PBX4: variants seen among roughly 807,000 people sequenced by gnomAD.
PBX4 encodes the protein PBX homeobox 4, also known as pre-B-cell leukemia transcription factor 4.
In PBX4, 26 loss-of-function variants were observed where a neutral mutation model predicts 35.1. That is an observed-to-expected ratio of 0.74 (90% CI 0.54 to 1.03). PBX4 has a LOEUF of 1.03. PBX4 is among the 50% of genes least tolerant of loss of function. The probability of loss-of-function intolerance (pLI) is 0.00; values close to 1 mark genes in which losing one functional copy is unlikely to be tolerated. For synonymous variants in PBX4, 199 were observed against 204.2 expected (o/e 0.97, Z 0.22); for missense variants, 448 against 504.3 (o/e 0.89, Z 1.07).
At chr19:19,594,612 G>A (rs949878653) in intron 2 of PBX4, among the ~76,000 whole-genome samples, 1 of 152,154 alleles carries the variant, frequency 6.6e-6, no homozygotes, top group African/African-American at 2.4e-5. Flanking sequence ...ATTATGAAGA[G>A]GCGTGCCCAG....
chr19:19,568,757 T>C (rs1289867567), intron 5 of PBX4, among the ~76,000 whole-genome samples: 1 of 151,884 alleles, frequency 6.6e-6, no homozygotes, highest in Non-Finnish European at 1.5e-5. Flanking sequence ...ACTCCATCTG[T>C]ATCCCTCAGG....
chr19:19,575,775 G>T (rs777720284), intron 2 of PBX4, among the ~76,000 whole-genome samples: 8 of 152,154 alleles, frequency 5.3e-5, no homozygotes, highest in Non-Finnish European at 1.0e-4. Flanking sequence ...GCCTTGCACA[G>T]CCTCTGACAA....
chr19:19,613,378 G>A (rs1473360908), intron 1 of PBX4, among the ~76,000 whole-genome samples: 1 of 145,572 alleles, frequency 6.9e-6, no homozygotes, highest in Non-Finnish European at 1.5e-5. Context: ...TGAGGCAGGA[G>A]AATCTCTTGA....
intron 1 of PBX4, among the ~76,000 whole-genome samples, chr19:19,616,342 T>TA (rs1390273007): frequency 1.3e-5 from 2 of 152,164 alleles, no homozygotes; most frequent in Non-Finnish European, 2.9e-5. Flanking sequence ...ACTATTTTTT[T>TA]ATGGAGACAG....
intron 1 of PBX4, among the ~76,000 whole-genome samples, chr19:19,611,438 T>A (rs773720265): frequency 5.9e-5 from 9 of 151,864 alleles, no homozygotes; most frequent in Non-Finnish European, 1.0e-4. Flanking sequence ...CCCAGCACTT[T>A]GGGAGGCCGA....
intron 2 of PBX4, among the ~76,000 whole-genome samples, chr19:19,575,350 T>C (rs2061413368): frequency 6.6e-6 from 1 of 151,858 alleles, no homozygotes; most frequent in Admixed American, 6.6e-5. Flanking sequence ...GCCTACAATC[T>C]GGGCCTTACA....
At chr19:19,570,997 A>G in intron 2 of PBX4, 164 bp from the exon 3 acceptor site, 1 of 887,638 alleles carries the variant, frequency 1.1e-6, no homozygotes. Flanking sequence ...GACACTGAGC[A>G]CCCCGCTAAG....
rs780542097 is a variant in PBX4, at chr19:19,570,117, G to C, written c.624C>G (p.Leu208=). 1 of 1,602,372 alleles carries C rather than the reference G, an allele frequency of 6.2e-7. No homozygotes were observed. The highest frequency in any genetic ancestry group is 8.5e-7 in the Non-Finnish European group (1 of 1,173,388). The change falls in exon 4 of 8, where the codon CTC becomes CTG. Residue 208 remains leucine, a synonymous_variant. Transcript: ENST00000251203. ...EAVMTLRSRL[L]DARRKRRNFS... is the part of the protein sequence containing the mutation. ...TACGTACAGGCCCTGACCTGGCATC[G>C]AGCAGCCGCGAACGCAGGGTCATCA...
intron 1 of PBX4, among the ~76,000 whole-genome samples, chr19:19,609,381 C>G (rs892774651): frequency 6.6e-6 from 1 of 151,794 alleles, no homozygotes; most frequent in Non-Finnish European, 1.5e-5. Context: ...GAAACCCCGT[C>G]TCTACTAAAA....
At chr19:19,594,180 C>T (rs909781729) in intron 2 of PBX4, among the ~76,000 whole-genome samples, 15 of 151,098 alleles carry the variant, frequency 9.9e-5, no homozygotes, top group African/African-American at 1.5e-4. Flanking sequence ...CCGAGGCGGG[C>T]GGATCACCTG....
Position 19,599,356 on chromosome 19 carries a change from A to C in PBX4, c.129T>G (p.Ala43=). ...CAGGCTTCATCCGATGGCAATTCAG[A>C]GCATGCTTTCTGAAAGGGAGGTGAC... ...SLDEAQARKH[A]LNCHRMKPAL... Residue 43 remains alanine, a synonymous_variant, in exon 2 of 8, where the codon GCT becomes GCG. Transcript: ENST00000251203. 6.2e-7 allele frequency: 1 copy of C among 1,612,978 alleles called. No individual in the cohort carries two copies. Among genetic ancestry groups the C allele is most frequent in the South Asian group, 1.1e-5 (1 of 90,826 alleles).
In PBX4 at chr19:19,562,197, C is replaced by T; in HGVS notation, c.1033-80G>A. On this transcript the variant is annotated intron_variant, in intron 7 of 7. Coordinates refer to ENST00000251203, the MANE Select transcript of PBX4 (RefSeq NM_025245.3). The surrounding 1 kb of genome is among the most constrained non-coding windows in gnomAD (Gnocchi z 4.8). ...CCAGCCCACGTGCTGCAGGCGGAGC[C>T]TCCAGGGGTCCCTGGGAAGGCTTGG... The T allele has an allele frequency of 9.6e-7, 1 of 1,042,320 alleles. No homozygotes were observed. Among genetic ancestry groups the T allele is most frequent in the East Asian group, 2.8e-5 (1 of 36,112 alleles). The allele number at this position is 1,042,320 out of a possible 1,614,324, so 64.6% of individuals were successfully genotyped here.
intron 2 of PBX4, chr19:19,579,751 G>C (rs984742503): frequency 6.6e-6 from 1 of 152,390 alleles, no homozygotes; most frequent in Non-Finnish European, 1.5e-5. Context: ...GCTGCCCCAG[G>C]CAACTGACTG....
At chr19:19,575,168 T>C (rs1188763326) in intron 2 of PBX4, among the ~76,000 whole-genome samples, 6 of 141,556 alleles carry the variant, frequency 4.2e-5, no homozygotes, top group Non-Finnish European at 7.6e-5. Context: ...ACCCGGGAGG[T>C]GGAGCTTGCA....
chr19:19,614,906 T>A (rs2061680451), intron 1 of PBX4, among the ~76,000 whole-genome samples: 1 of 151,804 alleles, frequency 6.6e-6, no homozygotes, highest in Non-Finnish European at 1.5e-5. Context: ...AGGGCTGTAA[T>A]CCCAGCACTT....
At chr19:19,602,925 C>G (rs1017353603) in intron 1 of PBX4, among the ~76,000 whole-genome samples, 3 of 152,162 alleles carry the variant, frequency 2.0e-5, no homozygotes, top group Non-Finnish European at 2.9e-5. Context: ...CAATAATTTC[C>G]CAGCCCTAAA....
At chr19:19,588,133 CT>C in intron 2 of PBX4, 1 of 1,122,432 alleles carries the variant, frequency 8.9e-7, no homozygotes, top group Non-Finnish European at 1.3e-6. Flanking sequence ...TAGAAGAGGT[CT>C]TAGAGCTCCC....
chr19:19,603,404 T>C (rs562047273), intron 1 of PBX4, among the ~76,000 whole-genome samples: 4 of 152,136 alleles, frequency 2.6e-5, no homozygotes, highest in East Asian at 1.9e-4. Flanking sequence ...CTCCACCTCA[T>C]GGGTTCAGGT....
At chr19:19,610,087 G>T (rs757363273) in intron 1 of PBX4, among the ~76,000 whole-genome samples, 2 of 152,182 alleles carry the variant, frequency 1.3e-5, no homozygotes, top group Non-Finnish European at 2.9e-5. Context: ...TTTGCCAAAA[G>T]ACTTTTAGAT....
Sources: allele counts gnomAD v4.1 joint callset (sites outside exome capture counted in the v4.1 genomes callset), GRCh38; gene constraint gnomAD v4.1.1; non-coding constraint Gnocchi (gnomAD v3.1); transcripts MANE v1.5; gene names NCBI Gene and HGNC (gene_info 2026-07-23, HGNC 2026-07-21).